Variants in CLASP1 observed in about 807,000 individuals in gnomAD.
The protein encoded by CLASP1 is CLIP-associating protein 1.
A neutral mutation model predicts 192.3 loss-of-function variants in CLASP1; 38 were observed. The ratio of observed to expected loss-of-function variants is 0.20; its 90% CI spans 0.15 to 0.26. CLASP1 has a LOEUF of 0.26. Among genes scored for constraint, CLASP1 ranks in the 10% least tolerant of loss-of-function variants. The probability of loss-of-function intolerance (pLI) is 1.00; values close to 1 mark genes in which losing one functional copy is unlikely to be tolerated. For synonymous variants in CLASP1, 691 were observed against 712.8 expected (o/e 0.97, Z 0.49); for missense variants, 1,433 against 1,932.5 (o/e 0.74, Z 4.85).
intron 2 of CLASP1, among the ~76,000 whole-genome samples, chr2:121,554,109 T>C (rs918645952): frequency 4.6e-5 from 7 of 150,832 alleles, no homozygotes; most frequent in African/African-American, 4.9e-5. Context: ...CCAGCTATAC[T>C]GGAGGCTGAG....
chr2:121,427,587 G>A, intron 20 of CLASP1, 157 bp from the exon 21 acceptor site: 1 of 713,464 alleles, frequency 1.4e-6, no homozygotes, highest in Non-Finnish European at 2.4e-6. Context: ...TCCTATTTTT[G>A]TACTTATGTT....
intron 2 of CLASP1, among the ~76,000 whole-genome samples, chr2:121,538,833 T>C (rs923013136): frequency 2.0e-5 from 3 of 151,938 alleles, no homozygotes; most frequent in African/African-American, 7.3e-5. Context: ...AAATTAAGTT[T>C]TGCAAGACTA....
intron 1 of CLASP1, among the ~76,000 whole-genome samples, chr2:121,613,648 C>G (rs1254454915): frequency 1.3e-5 from 2 of 151,020 alleles, no homozygotes; most frequent in East Asian, 3.9e-4. Flanking sequence ...AAAATAGCAC[C>G]TATCTCCAGC....
In CLASP1 at chr2:121,495,602, G is replaced by A. The variant is rs1041731824; in HGVS notation, c.712+7565C>T. On this transcript the variant is annotated intron_variant, in intron 8 of 39. Coordinates refer to ENST00000263710, the Ensembl canonical transcript of CLASP1. ...CTCGAACCAGGGAGGCGGAGGTTGC[G>A]GTGAGCCGAGATCATGCCATTGCAC... 1.5e-4 allele frequency among the ~76,000 whole-genome samples: 23 copies of A among 149,490 alleles called. No homozygotes were observed. The East Asian group carries it at 2.5e-3, about 16-fold the overall frequency.
intron 34 of CLASP1, among the ~76,000 whole-genome samples, chr2:121,372,571 G>C (rs532712806): frequency 3.9e-5 from 6 of 152,302 alleles, no homozygotes; most frequent in African/African-American, 1.4e-4. Flanking sequence ...ATTTCAAAGA[G>C]AGCATCTCCT....
Position 121,446,883 on chromosome 2 carries a change from C to T in CLASP1, c.1912+454G>A, listed in dbSNP as rs536815563. Among the ~76,000 whole-genome samples, 13 of 152,266 alleles carry T rather than the reference C, an allele frequency of 8.5e-5. No individual in the cohort carries two copies. In the South Asian group the frequency reaches 2.5e-3, roughly 29 times the overall value. ...TCCTGCCATTCCCCACAACCCAACCCGATTATCCCTGCCAGCTCTGGTTAT... is the reference window on the plus strand; with the variant it reads ...TCCTGCCATTCCCCACAACCCAACCTGATTATCCCTGCCAGCTCTGGTTAT... On this transcript the variant is annotated intron_variant, in intron 19 of 39. Coordinates refer to ENST00000263710, the Ensembl canonical transcript of CLASP1.
At chr2:121,465,836 A>G (rs1366088295) in intron 9 of CLASP1, among the ~76,000 whole-genome samples, 1 of 152,000 alleles carries the variant, frequency 6.6e-6, no homozygotes, top group South Asian at 2.1e-4. Context: ...TAGATCAATG[A>G]AACAGAACAG....
chr2:121,378,541 G>T (rs1470453104), intron 33 of CLASP1, among the ~76,000 whole-genome samples: 1 of 151,910 alleles, frequency 6.6e-6, no homozygotes, highest in Non-Finnish European at 1.5e-5. Context: ...AGAATCCTGA[G>T]AACAAAAACC....
intron 1 of CLASP1, among the ~76,000 whole-genome samples, chr2:121,641,666 T>C (rs539184003): frequency 3.3e-5 from 5 of 152,310 alleles, no homozygotes; most frequent in Non-Finnish European, 5.9e-5. Flanking sequence ...TTGCTTATTC[T>C]TTTTTAAAAT....
chr2:121,631,601 T>A (rs2069668989), intron 1 of CLASP1, among the ~76,000 whole-genome samples: 1 of 151,620 alleles, frequency 6.6e-6, no homozygotes, highest in African/African-American at 2.4e-5. Context: ...TTACATTTTT[T>A]AAACATATTT....
intron 7 of CLASP1, among the ~76,000 whole-genome samples, chr2:121,509,610 G>C (rs2094053236): frequency 6.6e-6 from 1 of 152,210 alleles, no homozygotes; most frequent in Admixed American, 6.5e-5. Context: ...CGCTGAGGCA[G>C]GTGGAACACA....
intron 2 of CLASP1, among the ~76,000 whole-genome samples, chr2:121,567,135 A>G (rs571715399): frequency 1.3e-5 from 2 of 152,260 alleles, no homozygotes; most frequent in Non-Finnish European, 2.9e-5. Flanking sequence ...CAATTTGCCT[A>G]AAAGAGCTCT....
Position 121,523,875 on chromosome 2 carries a change from G to A in CLASP1, c.546+1970C>T, listed in dbSNP as rs181084603. On this transcript the variant is annotated intron_variant, in intron 6 of 39. Transcript: ENST00000263710. ...AGACAGGCCCACAGCATGAGCTCTC[G>A]CTAAATATATGTGGAAGAAAAAGAG... 1.9e-3 allele frequency among the ~76,000 whole-genome samples: 291 copies of A among 152,308 alleles called. 2 individuals carry two copies. Among genetic ancestry groups the A allele is most frequent in the African/African-American group, 5.7e-3 (238 of 41,574 alleles).
In CLASP1 at chr2:121,367,622, A is replaced by G. The variant is rs779499735; in HGVS notation, c.3852T>C (p.Ala1284=). Residue 1284 remains alanine (A), a synonymous_variant, in exon 35 of 40, where the codon GCT becomes GCC. Coordinates refer to ENST00000263710, the Ensembl canonical transcript of CLASP1. ...GCTGCTCCATGTCGTCATCGAACAC[A>G]GCCTCTTTCAGGGCGGTCTTGTCGT... 6.2e-6 allele frequency: 10 copies of G among 1,614,058 alleles called. 1 individual carries two copies. In the South Asian group the frequency reaches 1.1e-4, roughly 18 times the overall value.
chr2:121,512,603 TAAGATTTTGGCCACGAG>T (rs2094171125), intron 7 of CLASP1, among the ~76,000 whole-genome samples: 1 of 152,200 alleles, frequency 6.6e-6, no homozygotes, highest in South Asian at 2.1e-4. Context: ...TCTGGCTCGA[TAAGATTTTGGCCACGAG>T]AAGAGAAGAC....
At chr2:121,374,410 G>A (rs1459777244) in intron 34 of CLASP1, among the ~76,000 whole-genome samples, 1 of 152,244 alleles carries the variant, frequency 6.6e-6, no homozygotes. Context: ...CTCTACTAGG[G>A]GAGACAGAGG....
intron 23 of CLASP1, 88 bp from the exon 25 acceptor site, chr2:121,411,057 T>A: frequency 2.6e-6 from 2 of 777,082 alleles, no homozygotes; most frequent in Middle Eastern, 2.3e-4. Flanking sequence ...TCCCACCAAG[T>A]AGACAGAAGT....
At chr2:121,468,825 T>C (rs549309575) in intron 9 of CLASP1, among the ~76,000 whole-genome samples, 1 of 152,270 alleles carries the variant, frequency 6.6e-6, no homozygotes, top group East Asian at 1.9e-4. Context: ...TTCGTTATTA[T>C]CCACATTCTG....
intron 16 of CLASP1, among the ~76,000 whole-genome samples, chr2:121,450,060 A>G (rs1432545834): frequency 6.6e-6 from 1 of 152,184 alleles, no homozygotes; most frequent in Non-Finnish European, 1.5e-5. Flanking sequence ...GGCTGGACAC[A>G]GTGGCTCACA....
Sources: allele counts gnomAD v4.1 joint callset (sites outside exome capture counted in the v4.1 genomes callset), GRCh38; gene constraint gnomAD v4.1.1; transcripts MANE v1.5; gene names NCBI Gene and HGNC (gene_info 2026-07-23, HGNC 2026-07-21).